NAALADL2: variants seen among roughly 807,000 people sequenced by gnomAD.
The protein encoded by NAALADL2 is N-acetylated alpha-linked acidic dipeptidase like 2.
Under a neutral mutation model 87.2 loss-of-function variants are expected in NAALADL2, and 76 were observed. That is an observed-to-expected ratio of 0.87 (90% CI 0.72 to 1.05). The LOEUF (loss-of-function observed/expected upper bound fraction) is 1.05, where lower values mean the gene tolerates loss of function less well. Ranked by LOEUF, NAALADL2 falls within the 50% of genes least tolerant of loss-of-function variation. NAALADL2 has a pLI of 0.00. For synonymous variants in NAALADL2, 354 were observed against 331.0 expected (o/e 1.07, Z -0.75); for missense variants, 1,089 against 945.8 (o/e 1.15, Z -1.99).
intron 13 of NAALADL2, among the ~76,000 whole-genome samples, chr3:175,758,509 A>G (rs564998458): frequency 2.6e-5 from 4 of 152,166 alleles, no homozygotes; most frequent in African/African-American, 9.6e-5. Flanking sequence ...ACGAATTTGT[A>G]CTTCATTTAT....
At chr3:175,552,766 G>A (rs367715630) in intron 9 of NAALADL2, among the ~76,000 whole-genome samples, 2 of 152,044 alleles carry the variant, frequency 1.3e-5, no homozygotes, top group East Asian at 3.9e-4. Context: ...TGAATGTAAT[G>A]CATTATAACA....
In NAALADL2 at chr3:175,588,994, G is replaced by A. The variant is rs1471093519; in HGVS notation, c.1800+12807G>A. ...ATGGTGTGTTTTATAACCCATAAAT[G>A]GTGTGTGTATACATACCAAAATATT... is the stretch of plus-strand genomic sequence containing the variant. On this transcript the variant is annotated intron_variant, in intron 10 of 13. Transcript: ENST00000454872. 5.3e-5 allele frequency among the ~76,000 whole-genome samples: 8 copies of A among 152,228 alleles called. No individual in the cohort carries two copies. In the East Asian group the frequency reaches 1.5e-3, roughly 29 times the overall value.
chr3:175,066,007 G>A (rs1479976608), intron 1 of NAALADL2, among the ~76,000 whole-genome samples: 2 of 152,154 alleles, frequency 1.3e-5, no homozygotes, highest in African/African-American at 4.8e-5. Flanking sequence ...AACGGGAACA[G>A]TGTAACCGAA....
chr3:174,702,901 G>C (rs1729691989), intron 2 of NAALADL2, among the ~76,000 whole-genome samples: 1 of 152,166 alleles, frequency 6.6e-6, no homozygotes. Context: ...CTTCCTATAA[G>C]GGAAAAGATT....
intron 1 of NAALADL2, among the ~76,000 whole-genome samples, chr3:174,942,309 A>G (rs1738728290): frequency 6.6e-6 from 1 of 152,190 alleles, no homozygotes; most frequent in African/African-American, 2.4e-5. Flanking sequence ...TTGGCTGGAT[A>G]TGAAATTGTT....
At chr3:174,677,375 A>G (rs562195129) in intron 2 of NAALADL2, among the ~76,000 whole-genome samples, 20 of 152,066 alleles carry the variant, frequency 1.3e-4, no homozygotes, top group African/African-American at 3.9e-4. Context: ...TTACAGCTGT[A>G]TTATGTTTCA....
At chr3:175,509,514 T>A (rs1249507242) in intron 9 of NAALADL2, among the ~76,000 whole-genome samples, 2 of 152,232 alleles carry the variant, frequency 1.3e-5, no homozygotes, top group Admixed American at 1.3e-4. Flanking sequence ...AAATCACTCC[T>A]TTTTTGTGTA....
At chr3:174,609,797 A>G (rs1719603239) in intron 2 of NAALADL2, among the ~76,000 whole-genome samples, 1 of 152,326 alleles carries the variant, frequency 6.6e-6, no homozygotes. Context: ...CTTTCTTCAC[A>G]GAATTGGAAA....
chr3:174,533,004 C>T (rs543141934), intron 1 of NAALADL2, among the ~76,000 whole-genome samples: 47 of 151,622 alleles, frequency 3.1e-4, no homozygotes, highest in African/African-American at 1.1e-3. Context: ...TCAGTACCAG[C>T]TCACATTCCT....
intron 1 of NAALADL2, among the ~76,000 whole-genome samples, chr3:174,476,800 A>G (rs535157888): frequency 6.6e-6 from 1 of 152,214 alleles, no homozygotes; most frequent in East Asian, 1.9e-4. Context: ...GAGGATATGT[A>G]GTTATGCATT....
At chr3:174,824,009 C>T (rs1364558473) in intron 3 of NAALADL2, among the ~76,000 whole-genome samples, 1 of 152,040 alleles carries the variant, frequency 6.6e-6, no homozygotes, top group Non-Finnish European at 1.5e-5. Flanking sequence ...TGGATTGGTT[C>T]TTTCATTTTT....
chr3:175,649,680 A>C (rs960519930), intron 11 of NAALADL2, among the ~76,000 whole-genome samples: 7 of 152,052 alleles, frequency 4.6e-5, no homozygotes, highest in Non-Finnish European at 8.8e-5. Flanking sequence ...ATCTCTTCTT[A>C]TGAGTACAGT....
At chr3:174,463,333 G>T (rs1052124223) in intron 1 of NAALADL2, among the ~76,000 whole-genome samples, 1 of 152,134 alleles carries the variant, frequency 6.6e-6, no homozygotes, top group Non-Finnish European at 1.5e-5. Context: ...AACAGTGAGA[G>T]AAAATGATAA....
At position 175,252,170 on chromosome 3, in the gene NAALADL2, C is replaced by G. The variant is rs553734364; in HGVS notation, c.820-4241C>G. ...TTGTGTTTCACCTTAGGGTGCTTCACAGATACTGTGTTTTCAACAATTTGA... is the reference window on the plus strand; with the variant it reads ...TTGTGTTTCACCTTAGGGTGCTTCAGAGATACTGTGTTTTCAACAATTTGA... On this transcript the variant is annotated intron_variant, in intron 3 of 13. Transcript: ENST00000454872. 1.6e-4 allele frequency among the ~76,000 whole-genome samples: 25 copies of G among 152,316 alleles called. No individual in the cohort carries two copies. The South Asian group carries it at 3.9e-3, about 24-fold the overall frequency.
intron 2 of NAALADL2, among the ~76,000 whole-genome samples, chr3:174,615,723 G>T (rs563278048): frequency 3.3e-3 from 496 of 151,504 alleles, no homozygotes; most frequent in African/African-American, 0.012. Context: ...TCTTTCTCTT[G>T]CTCTCTCTCT....
intron 1 of NAALADL2, among the ~76,000 whole-genome samples, chr3:175,050,843 CA>C (rs1755290567): frequency 6.6e-6 from 1 of 152,022 alleles, no homozygotes; most frequent in Admixed American, 6.5e-5. Flanking sequence ...AATGTAGCTT[CA>C]AAACTATGTC....
chr3:175,533,197 C>G (rs562086456), intron 9 of NAALADL2, among the ~76,000 whole-genome samples: 1 of 152,206 alleles, frequency 6.6e-6, no homozygotes, highest in Non-Finnish European at 1.5e-5. Context: ...CCACCATTAT[C>G]CCATGCCCTT....
intron 1 of NAALADL2, among the ~76,000 whole-genome samples, chr3:175,019,613 G>C (rs938768059): frequency 6.6e-6 from 1 of 151,872 alleles, no homozygotes; most frequent in Non-Finnish European, 1.5e-5. Context: ...TAAGTTATGA[G>C]TTTACCAGTG....
intron 13 of NAALADL2, among the ~76,000 whole-genome samples, chr3:175,776,048 T>C (rs970142541): frequency 1.3e-5 from 2 of 152,050 alleles, no homozygotes; most frequent in Non-Finnish European, 2.9e-5. Context: ...GTTGGTCACC[T>C]CTATTCTTGC....
Sources: gnomAD v4.1 joint callset for allele counts (sites outside exome capture counted in the v4.1 genomes callset) on GRCh38, gnomAD v4.1.1 for gene constraint, MANE v1.5 for transcripts, NCBI Gene and HGNC (gene_info 2026-07-23, HGNC 2026-07-21) for gene names.